The following EPG5 variants were observed in gnomAD, a reference collection of about 807,000 sequenced individuals.
EPG5 encodes the protein ectopic P granules protein 5 homolog.
EPG5 carries 159 observed loss-of-function variants against 302.7 expected under a neutral mutation model. That is an observed-to-expected ratio of 0.53 (90% CI 0.46 to 0.60). The LOEUF is 0.60. Among genes scored for constraint, EPG5 ranks in the 20% least tolerant of loss-of-function variants. The pLI is 0.00. For missense variants in EPG5, 2,896 were observed against 3,092.4 expected (o/e 0.94, Z 1.51); for synonymous variants, 1,158 against 1,136.8 (o/e 1.02, Z -0.37).
Position 45,930,750 on chromosome 18 carries a change from C to T in EPG5, c.2338G>A (p.Ala780Thr), listed in dbSNP as rs752641749. Residue 780 changes from alanine to threonine, a missense_variant, in exon 12 of 44, where the codon GCT (alanine) becomes ACT (threonine). By Grantham distance (58) the Ala-to-Thr change is moderately conservative. Around this residue, in one of 5 missense-constraint regions of EPG5, gnomAD observed 1,390 missense variants for 1,430.0 expected, o/e 0.97. Coordinates refer to ENST00000282041, the MANE Select transcript of EPG5 (RefSeq NM_020964.3). ...SEEICLLTTF[A>T]QMAQARRTNV... ...GTTCTTCTGGCCTGAGCCATCTGAGCAAAGGTAGTCAGAAGGCAAATCTCT... is the reference window on the plus strand; with the variant it reads ...GTTCTTCTGGCCTGAGCCATCTGAGTAAAGGTAGTCAGAAGGCAAATCTCT... 6 of 1,611,606 alleles carry T rather than the reference C, an allele frequency of 3.7e-6. No homozygotes were observed. The Admixed American group carries it at 6.7e-5, about 18-fold the overall frequency.
At chr18:45,950,687 C>T (rs1338815840) in intron 4 of EPG5, among the ~76,000 whole-genome samples, 1 of 152,204 alleles carries the variant, frequency 6.6e-6, no homozygotes, top group Non-Finnish European at 1.5e-5. Flanking sequence ...GACAAAGTTT[C>T]TATTAAGTAC....
chr18:45,829,422 AT>A, the EPG5 span, among the ~76,000 whole-genome samples: 2 of 152,210 alleles, frequency 1.3e-5, no homozygotes, highest in African/African-American at 4.8e-5. Flanking sequence ...CTGATAACCT[AT>A]CTTGACAACT....
Position 45,858,053 on chromosome 18 carries a change from C to T in EPG5, c.7242G>A (p.Glu2414=). The part of the protein sequence containing the change: ...EQVYPSSVEE[E]AKLFLWWHQV... ...GGTGCCACCACAAAAACAGCTTTGC[C>T]TCTTCCTCCACGGAGCTAGGGGAGG... Residue 2414 remains glutamate (E), a synonymous_variant, in exon 42 of 44, where the codon GAG becomes GAA. Coordinates refer to ENST00000282041, the MANE Select transcript of EPG5 (RefSeq NM_020964.3). 1 of 1,613,504 alleles carries T rather than the reference C, an allele frequency of 6.2e-7. No individual in the cohort carries two copies. The highest frequency in any genetic ancestry group is 8.5e-7 in the Non-Finnish European group (1 of 1,179,682).
intron 11 of EPG5, among the ~76,000 whole-genome samples, chr18:45,934,230 A>G (rs1378407544): frequency 3.9e-5 from 6 of 152,186 alleles, no homozygotes; most frequent in African/African-American, 1.4e-4. Flanking sequence ...TGGAGGTTGC[A>G]GTCAGCCAAG....
intron 1 of EPG5, among the ~76,000 whole-genome samples, chr18:45,957,717 T>C (rs2051062622): frequency 6.6e-6 from 1 of 152,236 alleles, no homozygotes; most frequent in Admixed American, 6.5e-5. Context: ...TGTGTGTGCA[T>C]GTGTGTGTAT....
chr18:45,902,278 T>C (rs1473248876), intron 25 of EPG5, among the ~76,000 whole-genome samples: 1 of 152,208 alleles, frequency 6.6e-6, no homozygotes, highest in Non-Finnish European at 1.5e-5. Flanking sequence ...TACAGCACTA[T>C]CCCTTATAGT....
the EPG5 span, among the ~76,000 whole-genome samples, chr18:45,800,912 T>A: frequency 1.3e-5 from 2 of 152,234 alleles, no homozygotes; most frequent in African/African-American, 2.4e-5. Context: ...GAGGGAACAC[T>A]GGTTGCAGGA....
chr18:45,870,270 A>T (rs2048840647), intron 36 of EPG5, among the ~76,000 whole-genome samples: 1 of 152,214 alleles, frequency 6.6e-6, no homozygotes, highest in Non-Finnish European at 1.5e-5. Context: ...AACAACCAAG[A>T]TTAAGCATAA....
At chr18:45,814,087 T>C in the EPG5 span, among the ~76,000 whole-genome samples, 4 of 152,092 alleles carry the variant, frequency 2.6e-5, no homozygotes, top group African/African-American at 9.7e-5. Flanking sequence ...GAAATTATAA[T>C]TATAAACCAA....
At chr18:45,823,658 T>G in the EPG5 span, among the ~76,000 whole-genome samples, 1 of 152,206 alleles carries the variant, frequency 6.6e-6, no homozygotes, top group East Asian at 1.9e-4. Context: ...TCTAATTGAT[T>G]TATCTAACTG....
chr18:45,938,444 A>C (rs1186639088), intron 10 of EPG5, among the ~76,000 whole-genome samples: 1 of 151,032 alleles, frequency 6.6e-6, no homozygotes, highest in African/African-American at 2.5e-5. Context: ...CCTGGGCAAC[A>C]AAGTGAGACT....
chr18:45,867,018 A>G lies in EPG5; in HGVS notation c.6412-11T>C, dbSNP rs2048762207. ...AAGTAAAGGTGAATCCTAAAAATAA[A>G]ACACATATTCCTTTAGTTCCAGAGC... On this transcript the variant is annotated splice_polypyrimidine_tract_variant and intron_variant, in intron 37 of 43. Coordinates refer to ENST00000282041, the MANE Select transcript of EPG5 (RefSeq NM_020964.3). The G allele has an allele frequency of 6.2e-7, 1 of 1,608,336 alleles. No homozygotes were observed. The highest frequency in any genetic ancestry group is 8.5e-7 in the Non-Finnish European group (1 of 1,174,894).
chr18:45,955,202 T>C lies in EPG5; in HGVS notation c.200A>G (p.Gln67Arg). The change falls in exon 2 of 44, where the codon CAG (glutamine) becomes CGG (arginine). Residue 67 changes from glutamine to arginine, a missense_variant. Coordinates refer to ENST00000282041, the MANE Select transcript of EPG5 (RefSeq NM_020964.3). ...GDHLKVVTDSQLQDDASGQNE... is the reference protein window; with the variant it reads ...GDHLKVVTDSRLQDDASGQNE... ...TTGTCCACTGGCATCATCCTGGAGCTGGGAATCAGTTACCACCTTCAGATG... is the reference window on the plus strand; with the variant it reads ...TTGTCCACTGGCATCATCCTGGAGCCGGGAATCAGTTACCACCTTCAGATG... 1 of 1,614,196 alleles carries C rather than the reference T, an allele frequency of 6.2e-7. No individual in the cohort carries two copies. The highest frequency in any genetic ancestry group is 2.2e-5 in the East Asian group (1 of 44,890).
rs1278330327 is a variant in EPG5, at chr18:45,926,018, TTTTG to T, written c.2554-120_2554-117del. On this transcript the variant is annotated intron_variant, in intron 13 of 43. Transcript: ENST00000282041. ...AAATTTCTCCAAAAGGAACTGGAGT[TTTTG>T]TTTAATTTTTAGACAAGTGAAATGG... The T allele has an allele frequency of 4.9e-6, 3 of 606,564 alleles. No homozygotes were observed. The East Asian group carries it at 1.0e-4, about 21-fold the overall frequency. 37.6% of individuals were successfully genotyped at this position (606,564 alleles called of 1,614,324 possible).
chr18:45,910,730 A>T lies in EPG5; in HGVS notation c.3996T>A (p.Asp1332Glu). The T allele has an allele frequency of 6.2e-7, 1 of 1,613,596 alleles. No individual in the cohort carries two copies. Among genetic ancestry groups the T allele is most frequent in the East Asian group, 2.2e-5 (1 of 44,876 alleles). ...GAAAAAACCTTCTTCCAATACAACC[A>T]TCTATGGGTAACCTTAAAAAACACA... ...RPGPQYGLPI[D>E]GCIGRRFFQS... The change falls in exon 23 of 44, where the codon GAT becomes GAA. Residue 1332 changes from aspartate (D) to glutamate (E), a missense_variant. Physicochemically the swap from Asp to Glu is conservative, Grantham distance 45. Around this residue, in one of 5 missense-constraint regions of EPG5, gnomAD observed 790 missense variants for 798.0 expected, o/e 0.99. Transcript: ENST00000282041.
the EPG5 span, among the ~76,000 whole-genome samples, chr18:45,806,206 TG>T: frequency 6.6e-6 from 1 of 152,274 alleles, no homozygotes; most frequent in African/African-American, 2.4e-5. Context: ...TTAGCTAGTT[TG>T]GGGGTAGTGA....
rs754694586 is a variant in EPG5 at position 45,858,613 on chromosome 18, C to G, written c.7179G>C (p.Met2393Ile). The change falls in exon 41 of 44, where the codon ATG becomes ATC. Residue 2393 changes from methionine (M) to isoleucine (I), a missense_variant. This residue lies in a region of EPG5 where 620 missense variants were observed against 704.2 expected (regional missense o/e 0.88). Transcript: ENST00000282041. ...ACTTGCTTAAGATGAGCAGCACTTT[C>G]ATTTCATTCCTTAAAGTCTGTTCGC... Reference protein sequence around the residue: ...LNSEQTLRNEMKVLLILSKWL... With the variant: ...LNSEQTLRNEIKVLLILSKWL... 1 of 1,614,060 alleles carries G rather than the reference C, an allele frequency of 6.2e-7. No individual in the cohort carries two copies. Among genetic ancestry groups the G allele is most frequent in the African/African-American group, 1.3e-5 (1 of 74,912 alleles).
At chr18:45,862,130 A>G (rs2048648245) in intron 39 of EPG5, among the ~76,000 whole-genome samples, 1 of 152,196 alleles carries the variant, frequency 6.6e-6, no homozygotes, top group Non-Finnish European at 1.5e-5. Flanking sequence ...ATGGCTTTGG[A>G]ACATTCTAAC....
At chr18:45,822,614 G>A in the EPG5 span, among the ~76,000 whole-genome samples, 4 of 152,076 alleles carry the variant, frequency 2.6e-5, no homozygotes, top group Admixed American at 6.6e-5. Flanking sequence ...CCTTGATGTG[G>A]TCACTAGACA....
Sources: allele counts gnomAD v4.1 joint callset (sites outside exome capture counted in the v4.1 genomes callset), GRCh38; gene constraint gnomAD v4.1.1; regional missense constraint gnomAD v4.1.1; transcripts MANE v1.5; gene names NCBI Gene and HGNC (gene_info 2026-07-23, HGNC 2026-07-21).